ARHGAP15: variants seen among roughly 807,000 people sequenced by gnomAD.
ARHGAP15 encodes the protein rho GTPase-activating protein 15.
A neutral mutation model predicts 63.7 loss-of-function variants in ARHGAP15; 51 were observed. The ratio of observed to expected loss-of-function variants is 0.80; its 90% confidence interval spans 0.64 to 1.01. ARHGAP15 has a LOEUF of 1.01. ARHGAP15 is among the 50% of genes least tolerant of loss of function. ARHGAP15 has a pLI of 0.00. For synonymous variants in ARHGAP15, 191 were observed against 193.8 expected, an observed-to-expected ratio of 0.99 and a Z score of 0.12; for missense variants, 560 against 564.6, an observed-to-expected ratio of 0.99 and a Z score of 0.08.
intron 9 of ARHGAP15, among the ~76,000 whole-genome samples, chr2:143,510,932 T>G (rs961257423): frequency 1.3e-5 from 2 of 152,230 alleles, no homozygotes; most frequent in African/African-American, 4.8e-5. Context: ...GCATAAATGA[T>G]GATAAAACCG....
intron 6 of ARHGAP15, among the ~76,000 whole-genome samples, chr2:143,261,267 G>A (rs1680700412): frequency 6.6e-6 from 1 of 150,526 alleles, no homozygotes; most frequent in Admixed American, 6.6e-5. Context: ...GGCATTTGAT[G>A]GTGTATTTGT....
chr2:143,450,438 A>G (rs1690356329), intron 8 of ARHGAP15, among the ~76,000 whole-genome samples: 1 of 151,922 alleles, frequency 6.6e-6, no homozygotes, highest in African/African-American at 2.4e-5. Context: ...GCTCTTAACT[A>G]TTAGTTGAAG....
At chr2:143,258,084 C>T (rs1281878464) in intron 6 of ARHGAP15, among the ~76,000 whole-genome samples, 1 of 151,908 alleles carries the variant, frequency 6.6e-6, no homozygotes, top group Non-Finnish European at 1.5e-5. Context: ...TAGATGGGGC[C>T]AGTAAATGGT....
chr2:143,599,378 C>T (rs1697668365), intron 11 of ARHGAP15, among the ~76,000 whole-genome samples: 1 of 152,022 alleles, frequency 6.6e-6, no homozygotes, highest in South Asian at 2.1e-4. Context: ...GAATAATGTA[C>T]CTTGAGAAAG....
chr2:143,278,189 C>T (rs1456376677), intron 6 of ARHGAP15, among the ~76,000 whole-genome samples: 8 of 152,156 alleles, frequency 5.3e-5, no homozygotes, highest in Non-Finnish European at 1.0e-4. Flanking sequence ...CCCGTGTCAC[C>T]TTCTCTCACT....
chr2:143,603,061 G>T (rs934329973), intron 11 of ARHGAP15, among the ~76,000 whole-genome samples: 4 of 152,164 alleles, frequency 2.6e-5, no homozygotes, highest in Non-Finnish European at 5.9e-5. Flanking sequence ...AGTTTACCTT[G>T]AAGTCAATTG....
At chr2:143,363,021 C>G (rs1686131097) in intron 6 of ARHGAP15, among the ~76,000 whole-genome samples, 1 of 152,136 alleles carries the variant, frequency 6.6e-6, no homozygotes, top group Non-Finnish European at 1.5e-5. Context: ...AGCCATTTTC[C>G]TATTCAAAAC....
chr2:143,417,953 A>G (rs1688756464), intron 6 of ARHGAP15, among the ~76,000 whole-genome samples: 1 of 152,214 alleles, frequency 6.6e-6, no homozygotes, highest in Non-Finnish European at 1.5e-5. Context: ...CAATTGGATG[A>G]AAGTTTCTGC....
At chr2:143,559,428 T>C (rs1353702194) in intron 11 of ARHGAP15, among the ~76,000 whole-genome samples, 1 of 152,228 alleles carries the variant, frequency 6.6e-6, no homozygotes, top group Admixed American at 6.5e-5. Flanking sequence ...GAATTGTCAG[T>C]AAACTGTCTC....
chr2:143,196,274 T>C (rs1194686091), intron 2 of ARHGAP15, among the ~76,000 whole-genome samples: 1 of 152,030 alleles, frequency 6.6e-6, no homozygotes, highest in East Asian at 1.9e-4. Flanking sequence ...AATACTAGGT[T>C]CAAAATAATC....
At chr2:143,282,632 A>T (rs930104533) in intron 6 of ARHGAP15, among the ~76,000 whole-genome samples, 2 of 152,116 alleles carry the variant, frequency 1.3e-5, no homozygotes, top group African/African-American at 4.8e-5. Context: ...TCAAAATGAG[A>T]TTTGGGTGGG....
chr2:143,644,792 A>T (rs1680788749), intron 12 of ARHGAP15, among the ~76,000 whole-genome samples: 1 of 152,108 alleles, frequency 6.6e-6, no homozygotes, highest in Admixed American at 6.6e-5. Context: ...ATGTGTATGC[A>T]TGTTAAGCCA....
chr2:143,700,985 C>T (rs555303566), intron 12 of ARHGAP15, among the ~76,000 whole-genome samples: 5 of 152,176 alleles, frequency 3.3e-5, no homozygotes, highest in African/African-American at 1.2e-4. Context: ...GATGTTGCAA[C>T]TTTCTTTTTT....
chr2:143,484,934 T>C (rs562380968), intron 8 of ARHGAP15, among the ~76,000 whole-genome samples: 8 of 152,258 alleles, frequency 5.3e-5, no homozygotes, highest in African/African-American at 1.9e-4. Context: ...TATAACACAC[T>C]GGTGGAAACT....
intron 6 of ARHGAP15, among the ~76,000 whole-genome samples, chr2:143,311,573 C>G (rs1359000867): frequency 3.3e-5 from 5 of 151,974 alleles, no homozygotes; most frequent in African/African-American, 1.2e-4. Flanking sequence ...GCCTTAGCTC[C>G]GTTAAAACCC....
At chr2:143,323,288 T>A (rs1424068890) in intron 6 of ARHGAP15, among the ~76,000 whole-genome samples, 2 of 152,204 alleles carry the variant, frequency 1.3e-5, no homozygotes, top group African/African-American at 4.8e-5. Flanking sequence ...GCTTTTTGTT[T>A]TGAAACAGTG....
intron 8 of ARHGAP15, among the ~76,000 whole-genome samples, chr2:143,483,394 C>T (rs1388781122): frequency 1.3e-5 from 2 of 152,098 alleles, no homozygotes; most frequent in Non-Finnish European, 1.5e-5. Flanking sequence ...AAAAAATATA[C>T]CGTGCTTGGC....
chr2:143,440,761 G>T (rs943346657), intron 8 of ARHGAP15, among the ~76,000 whole-genome samples: 2 of 152,120 alleles, frequency 1.3e-5, no homozygotes, highest in African/African-American at 4.8e-5. Context: ...TAATGCAAGG[G>T]CCAAATCACT....
rs183993475 is a variant in ARHGAP15 at position 143,506,233 on chromosome 2, C to T, written c.827-13033C>T. The stretch of plus-strand genomic sequence containing the variant: ...CCAAAAAGAATCTTTCAACTCTTCT[C>T]AATCACTGAATGACACTTCCAGCTT... On this transcript the variant is annotated intron_variant, in intron 9 of 13. Transcript: ENST00000295095. Among the ~76,000 whole-genome samples, 40 of 152,278 alleles carry T rather than the reference C, an allele frequency of 2.6e-4. 1 individual carries two copies. The East Asian group carries it at 7.7e-3, about 29-fold the overall frequency.
Sources: gnomAD v4.1 joint callset for allele counts (sites outside exome capture counted in the v4.1 genomes callset) on GRCh38, gnomAD v4.1.1 for gene constraint, MANE v1.5 for transcripts, NCBI Gene and HGNC (gene_info 2026-07-23, HGNC 2026-07-21) for gene names.